DUS3L: variants seen among roughly 807,000 people sequenced by gnomAD.
The protein encoded by DUS3L is tRNA-dihydrouridine(47) synthase [NAD(P)(+)]-like.
A neutral mutation model predicts 74.6 loss-of-function variants in DUS3L; 62 were observed. That is an observed-to-expected ratio of 0.83 (90% CI 0.68 to 1.03). The LOEUF is 1.03. Among genes scored for constraint, DUS3L ranks in the 50% least tolerant of loss-of-function variants. The pLI is 0.00. For missense variants in DUS3L, 884 were observed against 924.4 expected (o/e 0.96, Z 0.57); for synonymous variants, 433 against 395.7 (o/e 1.09, Z -1.12).
In DUS3L at chr19:5,790,058, A is replaced by AGGG. The variant is rs1568388970; in HGVS notation, c.373_375dup (p.Pro125dup). 15 of 1,613,640 alleles carry AGGG rather than the reference A, an allele frequency of 9.3e-6. No homozygotes were observed. Among genetic ancestry groups the AGGG allele is most frequent in the Non-Finnish European group, 1.2e-5 (14 of 1,179,634 alleles). ...GTGGCCGCACTTGCCTGGATTAGGG[A>AGGG]GGGACACAGCCTGTTCTTGTCGTAG... On this transcript the variant is annotated inframe_insertion, in exon 2 of 13. Transcript: ENST00000309061.
chr19:5,789,371 G>T lies in DUS3L; in HGVS notation c.736C>A (p.Pro246Thr). 6.3e-7 allele frequency: 1 copy of T among 1,594,626 alleles called. No homozygotes were observed. The change falls in exon 3 of 13, where the codon CCC (proline) becomes ACC (threonine). Residue 246 changes from proline (P) to threonine (T), a missense_variant. Coordinates refer to ENST00000309061, the MANE Select transcript of DUS3L (RefSeq NM_020175.3). ...GCGCCCTCGGCTGCCGTGCCCTCGG[G>T]GACAGCGGCAGCGGGTGTGGGGCCC... ...SQGPTPAAAV[P>T]EGTAAEGAPR... is the part of the protein sequence containing the mutation.
Position 5,788,138 on chromosome 19 carries a change from G to A in DUS3L, c.981C>T (p.Phe327=), listed in dbSNP as rs367895137. The part of the protein sequence containing the change: ...NLPFRRICKR[F]GADVTCGEMA... ...TCTCTCCACATGTCACATCCGCCCCGAAGCGCTTGCAGATCCGTCGGAAGG... is the reference window on the plus strand; with the variant it reads ...TCTCTCCACATGTCACATCCGCCCCAAAGCGCTTGCAGATCCGTCGGAAGG... Residue 327 remains phenylalanine, a synonymous_variant, in exon 5 of 13, where the codon TTC becomes TTT. Coordinates refer to ENST00000309061, the MANE Select transcript of DUS3L (RefSeq NM_020175.3). The A allele has an allele frequency of 1.8e-4, 295 of 1,613,552 alleles. 1 individual carries two copies. Among genetic ancestry groups the A allele is most frequent in the South Asian group, 1.8e-3 (163 of 91,086 alleles).
intron 10 of DUS3L, among the ~76,000 whole-genome samples, chr19:5,786,150 T>G (rs2056839710): frequency 6.6e-6 from 1 of 152,128 alleles, no homozygotes; most frequent in Admixed American, 6.6e-5. Flanking sequence ...TGTTTCACCA[T>G]GTTGGTCAGG....
Position 5,790,205 on chromosome 19 carries a change from G to A in DUS3L, c.229C>T (p.Leu77=). The A allele has an allele frequency of 6.2e-7, 1 of 1,614,134 alleles. No homozygotes were observed. Among genetic ancestry groups the A allele is most frequent in the Non-Finnish European group, 8.5e-7 (1 of 1,180,032 alleles). The stretch of plus-strand genomic sequence containing the variant: ...CCGTCCGCCGTCTGTCCATCCTCCA[G>A]TCGGATCCGCTTAGCCTCAGGCTCA... ...LAEPEAKRIR[L]EDGQTADGQT... is the part of the protein sequence containing the mutation. Residue 77 remains leucine, a synonymous_variant, in exon 2 of 13, where the codon CTG becomes TTG. Transcript: ENST00000309061.
In DUS3L at chr19:5,790,319, C is replaced by A; in HGVS notation, c.115G>T (p.Glu39Ter). 6.2e-7 allele frequency: 1 copy of A among 1,614,050 alleles called. No homozygotes were observed. Among genetic ancestry groups the A allele is most frequent in the South Asian group, 1.1e-5 (1 of 91,084 alleles). Residue 39 changes from glutamate to a stop codon, truncating the protein, a stop_gained, in exon 2 of 13, where the codon GAG (glutamate) becomes TAG (stop). Transcript: ENST00000309061. LOFTEE classifies it high-confidence loss of function. ...GCTTCCAGGAATTGGTGAAACTGCT[C>A]CTTGGTGGTGAGGTATCTGCCGACA... ...PIKRQYLTTK[E>*]QFHQFLEAKG...
chr19:5,789,592 G>A lies in DUS3L; in HGVS notation c.515C>T (p.Pro172Leu), dbSNP rs1281133727. The A allele has an allele frequency of 6.3e-7, 1 of 1,587,408 alleles. No homozygotes were observed. Among genetic ancestry groups the A allele is most frequent in the Non-Finnish European group, 8.6e-7 (1 of 1,169,586 alleles). Residue 172 changes from proline to leucine, a missense_variant, in exon 3 of 13, where the codon CCC becomes CTC. Coordinates refer to ENST00000309061, the MANE Select transcript of DUS3L (RefSeq NM_020175.3). Reference protein sequence around the residue: ...CVLFETFGRCPYGVTCRFAGA... With the variant: ...CVLFETFGRCLYGVTCRFAGA... ...AGCGAAGCGGCAGGTCACGCCGTAGGGGCACCGGCCGAAGGTCTCGAAGAG... is the reference window on the plus strand; with the variant it reads ...AGCGAAGCGGCAGGTCACGCCGTAGAGGCACCGGCCGAAGGTCTCGAAGAG...
intron 1 of DUS3L, 75 bp from the exon 2 acceptor site, chr19:5,790,410 T>G (rs901528288): frequency 1.3e-6 from 2 of 1,563,614 alleles, no homozygotes; most frequent in South Asian, 2.3e-5. Flanking sequence ...TAGAAACACT[T>G]GCACGTCCTT....
chr19:5,789,468 G>A lies in DUS3L; in HGVS notation c.639C>T (p.Ala213=), dbSNP rs1364107027. The A allele has an allele frequency of 1.2e-6, 2 of 1,603,260 alleles. No individual in the cohort carries two copies. The highest frequency in any genetic ancestry group is 8.5e-7 in the Non-Finnish European group (1 of 1,179,002). Residue 213 remains alanine (A), a synonymous_variant, in exon 3 of 13, where the codon GCC becomes GCT. Coordinates refer to ENST00000309061, the MANE Select transcript of DUS3L (RefSeq NM_020175.3). The part of the protein sequence containing the change: ...PPSIRNGLDK[A]LQQQLRKREV... ...CGCGCTTCCGCAGCTGCTGCTGCAG[G>A]GCTTTGTCCAGGCCGTTGCGGATGG... is the stretch of plus-strand genomic sequence containing the variant.
intron 1 of DUS3L, 96 bp downstream of exon 1, chr19:5,790,948 C>T (rs1196966002): frequency 7.8e-7 from 1 of 1,276,688 alleles, no homozygotes; most frequent in Non-Finnish European, 1.1e-6. Flanking sequence ...GCTTCTCGCC[C>T]TCAGCCGCTG....
At chr19:5,788,531 A>G (rs1478083938) in intron 3 of DUS3L, 133 bp from the exon 4 acceptor site, 2 of 925,446 alleles carry the variant, frequency 2.2e-6, no homozygotes, top group East Asian at 2.6e-5. Context: ...GGGCCTCTGC[A>G]TGTGCCAATC....
At chr19:5,790,737 C>A in intron 1 of DUS3L, 1 of 558,508 alleles carries the variant, frequency 1.8e-6, no homozygotes, top group Non-Finnish European at 3.2e-6. Context: ...GTAACGGCCG[C>A]TGGCAGAGCA....
At position 5,787,612 on chromosome 19, in the gene DUS3L, G is replaced by T; in HGVS notation, c.1189C>A (p.Pro397Thr). Reference sequence around the variant, plus strand: ...ACCTTCTTGTACACGAGGTCGATGGGGCAGCCGACGTTGATGTCCACAAAG... The same window carrying T: ...ACCTTCTTGTACACGAGGTCGATGGTGCAGCCGACGTTGATGTCCACAAAG... ...VDFVDINVGC[P>T]IDLVYKKGGG... is the part of the protein sequence containing the mutation. Residue 397 changes from proline to threonine, a missense_variant, in exon 6 of 13, where the codon CCC (proline) becomes ACC (threonine). Physicochemically the swap from Pro to Thr is conservative, Grantham distance 38. Coordinates refer to ENST00000309061, the MANE Select transcript of DUS3L (RefSeq NM_020175.3). 2 of 1,613,676 alleles carry T rather than the reference G, an allele frequency of 1.2e-6. No individual in the cohort carries two copies. Among genetic ancestry groups the T allele is most frequent in the East Asian group, 4.5e-5 (2 of 44,870 alleles).
chr19:5,789,434 AGCGGACCTCGC>A lies in DUS3L; in HGVS notation c.662_672del (p.Arg221LeufsTer5). 6.3e-7 allele frequency: 1 copy of A among 1,599,458 alleles called. No individual in the cohort carries two copies. Among genetic ancestry groups the A allele is most frequent in the Middle Eastern group, 1.7e-4 (1 of 6,016 alleles). On this transcript the variant is annotated frameshift_variant, in exon 3 of 13. Transcript: ENST00000309061. LOFTEE classifies it high-confidence loss of function. ...CGCAGGGCCTGCTCAGCTCGCTCGA[AGCGGACCTCGC>A]GCTTCCGCAGCTGCTGCTGCAGGGC...
chr19:5,789,682 C>G lies in DUS3L; in HGVS notation c.425G>C (p.Arg142Pro). 1.2e-6 allele frequency: 2 copies of G among 1,608,826 alleles called. No individual in the cohort carries two copies. Among genetic ancestry groups the G allele is most frequent in the African/African-American group, 2.7e-5 (2 of 75,010 alleles). Residue 142 changes from arginine to proline, a missense_variant, in exon 3 of 13, where the codon CGC becomes CCC. Transcript: ENST00000309061. The stretch of plus-strand genomic sequence containing the variant: ...GTAGCGCCCCACGTCGTGCAGAAAG[C>G]GGCAGCGATCACCGAAGAAACACTT... ...AAKCFFGDRC[R>P]FLHDVGRYLE...
chr19:5,787,042 G>C lies in DUS3L; in HGVS notation c.1389+19C>G. On this transcript the variant is annotated intron_variant, in intron 8 of 12. Coordinates refer to ENST00000309061, the MANE Select transcript of DUS3L (RefSeq NM_020175.3). Reference sequence around the variant, plus strand: ...GGTCGACCGCGAGGCCCCAATGCCCGAGGCGTCCCAAGACCCACCGTGACG... The same window carrying C: ...GGTCGACCGCGAGGCCCCAATGCCCCAGGCGTCCCAAGACCCACCGTGACG... 1 of 1,525,206 alleles carries C rather than the reference G, an allele frequency of 6.6e-7. No individual in the cohort carries two copies. Among genetic ancestry groups the C allele is most frequent in the Non-Finnish European group, 8.8e-7 (1 of 1,140,572 alleles). The allele number at this position is 1,525,206 out of a possible 1,614,324, so 94.5% of individuals were successfully genotyped here.
rs747757513 is a variant in DUS3L at position 5,789,225 on chromosome 19, C to T, written c.882G>A (p.Arg294=). Residue 294 remains arginine, a synonymous_variant, in exon 3 of 13, where the codon CGG becomes CGA. Coordinates refer to ENST00000309061, the MANE Select transcript of DUS3L (RefSeq NM_020175.3). The stretch of plus-strand genomic sequence containing the variant: ...CACGTACCCGCTTCTTCTCACAGGG[C>T]CGCAGCCTGACCACGTCCTCATCCG... ...PLTDEDVVRL[R]PCEKKRLDIR... The T allele has an allele frequency of 6.4e-6, 10 of 1,550,996 alleles. No homozygotes were observed. The highest frequency in any genetic ancestry group is 6.9e-6 in the Non-Finnish European group (8 of 1,152,318).
In DUS3L at chr19:5,789,591, G is replaced by A. The variant is rs2056889560; in HGVS notation, c.516C>T (p.Pro172=). The change falls in exon 3 of 13, where the codon CCC becomes CCT. Residue 172 remains proline, a synonymous_variant. Transcript: ENST00000309061. ...CVLFETFGRC[P]YGVTCRFAGA... ...CAGCGAAGCGGCAGGTCACGCCGTAGGGGCACCGGCCGAAGGTCTCGAAGA... is the reference window on the plus strand; with the variant it reads ...CAGCGAAGCGGCAGGTCACGCCGTAAGGGCACCGGCCGAAGGTCTCGAAGA... 1 of 1,586,826 alleles carries A rather than the reference G, an allele frequency of 6.3e-7. No individual in the cohort carries two copies. The highest frequency in any genetic ancestry group is 2.3e-5 in the East Asian group (1 of 43,764).
At chr19:5,790,784 C>A (rs1040220106) in intron 1 of DUS3L, 2 of 588,882 alleles carry the variant, frequency 3.4e-6, no homozygotes, top group African/African-American at 1.9e-5. Flanking sequence ...ACTACAATCC[C>A]CAGTATGCAG....
chr19:5,786,418 C>T (rs763478066), intron 10 of DUS3L, 49 bp downstream of exon 10: 31 of 1,583,274 alleles, frequency 2.0e-5, no homozygotes, highest in Non-Finnish European at 2.4e-5. Context: ...GGGTTCAGGG[C>T]ACTGCTGCTG....
Sources: gnomAD v4.1 joint callset for allele counts (sites outside exome capture counted in the v4.1 genomes callset) on GRCh38, gnomAD v4.1.1 for gene constraint, MANE v1.5 for transcripts, NCBI Gene and HGNC (gene_info 2026-07-23, HGNC 2026-07-21) for gene names.